Variants in ASAP3 observed in about 807,000 individuals in gnomAD.
The protein encoded by ASAP3 is ArfGAP with SH3 domain, ankyrin repeat and PH domain 3, also known as arf-GAP with SH3 domain, ANK repeat and PH domain-containing protein 3.
ASAP3 carries 85 observed loss-of-function variants against 118.2 expected under a neutral mutation model. That is an observed-to-expected ratio of 0.72 (90% CI 0.60 to 0.86). The LOEUF (loss-of-function observed/expected upper bound fraction) is 0.86, where lower values mean the gene tolerates loss of function less well. Among genes scored for constraint, ASAP3 ranks in the 40% least tolerant of loss-of-function variants. The pLI, the probability that ASAP3 is intolerant of heterozygous loss-of-function variation, is 0.00. For missense variants in ASAP3, 1,026 were observed against 1,175.0 expected (o/e 0.87, Z 1.85); for synonymous variants, 432 against 477.4 (o/e 0.90, Z 1.24).
intron 1 of ASAP3, chr1:23,479,840 G>T (rs1312754763): frequency 1.3e-5 from 2 of 152,152 alleles, no homozygotes; most frequent in East Asian, 3.9e-4. Flanking sequence ...TGAGATAGTT[G>T]TTCATAGGCC....
At chr1:23,478,855 A>G (rs1206611360) in intron 1 of ASAP3, among the ~76,000 whole-genome samples, 3 of 152,172 alleles carry the variant, frequency 2.0e-5, no homozygotes, top group Non-Finnish European at 4.4e-5. Flanking sequence ...AATGATCTAA[A>G]CCAGGGAGGT....
chr1:23,431,761 G>A lies in ASAP3; in HGVS notation c.2481C>T (p.Gly827=). The A allele has an allele frequency of 6.5e-7, 1 of 1,527,972 alleles. No homozygotes were observed. The highest frequency in any genetic ancestry group is 8.7e-7 in the Non-Finnish European group (1 of 1,144,248). 94.7% of individuals were successfully genotyped at this position (1,527,972 alleles called of 1,614,324 possible). A position where few individuals can be genotyped will look rare whatever the true frequency, so the allele number is the denominator to read the frequency against. Residue 827 remains glycine (G), a synonymous_variant, in exon 23 of 25, where the codon GGC becomes GGT. Transcript: ENST00000336689. ...NSEEGLREPP[G]TSRPSLTSGT... The stretch of plus-strand genomic sequence containing the variant: ...CGGATGTCAGGCTGGGTCTGGAGGT[G>A]CCTGGGGGCTCTCGGAGGCCCTCTT...
chr1:23,440,158 G>T (rs1209641534), intron 10 of ASAP3, among the ~76,000 whole-genome samples: 2 of 149,198 alleles, frequency 1.3e-5, no homozygotes, highest in Non-Finnish European at 3.0e-5. Context: ...AGGAAGCAAG[G>T]CACAGCCAAT....
chr1:23,435,810 T>C (rs776709823), intron 17 of ASAP3, 41 bp downstream of exon 17: 4 of 1,612,366 alleles, frequency 2.5e-6, no homozygotes, highest in Non-Finnish European at 3.4e-6. Flanking sequence ...GGGAATATGT[T>C]AGACAGGTGG....
In ASAP3 at chr1:23,456,282, C is replaced by G. The variant is rs12567669; in HGVS notation, c.130-88G>C. ...AACGCTGTATCTATGATTTCCACCCCCCAACCGCCCTCCAAACAAATACAT... is the reference window on the plus strand; with the variant it reads ...AACGCTGTATCTATGATTTCCACCCGCCAACCGCCCTCCAAACAAATACAT... On this transcript the variant is annotated intron_variant, in intron 1 of 24. Coordinates refer to ENST00000336689, the MANE Select transcript of ASAP3 (RefSeq NM_017707.4). 9.6e-3 allele frequency: 11,801 copies of G among 1,232,994 alleles called. 562 individuals carry two copies. In the East Asian group the frequency reaches 0.14, roughly 15 times the overall value. The allele number at this position is 1,232,994 out of a possible 1,614,324, so 76.4% of individuals were successfully genotyped here.
At chr1:23,480,708 CCAGG>C (rs1182523697) in intron 1 of ASAP3, among the ~76,000 whole-genome samples, 1 of 152,126 alleles carries the variant, frequency 6.6e-6, no homozygotes, top group African/African-American at 2.4e-5. Context: ...TGGACAGAGC[CCAGG>C]CAGAGCACAG....
At position 23,429,707 on chromosome 1, in the gene ASAP3, TG is replaced by T; in HGVS notation, c.*148del. ...GTGTCCTTGGTAGAGGCATGGCCTGTGGCAGGAAGAAGGCCAGCTACAGAGG... is the reference window on the plus strand; with the variant it reads ...GTGTCCTTGGTAGAGGCATGGCCTGTGCAGGAAGAAGGCCAGCTACAGAGG... On this transcript the variant is annotated 3_prime_UTR_variant, in exon 25 of 25. Coordinates refer to ENST00000336689, the MANE Select transcript of ASAP3 (RefSeq NM_017707.4). 1 of 727,304 alleles carries T rather than the reference TG, an allele frequency of 1.4e-6. No homozygotes were observed. Among genetic ancestry groups the T allele is most frequent in the Non-Finnish European group, 2.2e-6 (1 of 450,788 alleles). 45.1% of individuals were successfully genotyped at this position (727,304 alleles called of 1,614,324 possible).
At chr1:23,463,834 G>A (rs1041260257) in intron 1 of ASAP3, among the ~76,000 whole-genome samples, 9 of 151,992 alleles carry the variant, frequency 5.9e-5, no homozygotes, top group Admixed American at 4.6e-4. Context: ...TCCTGACCTC[G>A]TGATCCGCCT....
At chr1:23,433,005 G>A (rs1051942730) in intron 22 of ASAP3, 72 bp downstream of exon 22, 100 of 1,569,006 alleles carry the variant, frequency 6.4e-5, no homozygotes, top group Admixed American at 3.6e-4. Context: ...TATGCACTCA[G>A]CTCAGTGCCC....
intron 1 of ASAP3, among the ~76,000 whole-genome samples, chr1:23,481,085 C>A (rs10799796): frequency 6.6e-6 from 1 of 152,164 alleles, no homozygotes; most frequent in South Asian, 2.1e-4. Flanking sequence ...AACTTTCCCA[C>A]TATCCAGCCG....
intron 1 of ASAP3, among the ~76,000 whole-genome samples, chr1:23,475,435 C>T (rs946599130): frequency 2.0e-5 from 3 of 152,222 alleles, no homozygotes; most frequent in African/African-American, 7.2e-5. Flanking sequence ...CCCTTTTCTG[C>T]TTAAATCAGC....
intron 1 of ASAP3, among the ~76,000 whole-genome samples, chr1:23,460,991 C>T (rs532739269): frequency 1.3e-5 from 2 of 152,204 alleles, no homozygotes; most frequent in South Asian, 2.1e-4. Flanking sequence ...TTCAACTATA[C>T]GATATTCTGG....
rs751554313 is a variant in ASAP3, at chr1:23,437,765, C to G, written c.1103-293G>C. Reference sequence around the variant, plus strand: ...AACCCCAGAGAACCCAGCTCTGAGGCAGGGCATCCTCTGAACCAACTGTCA... The same window carrying G: ...AACCCCAGAGAACCCAGCTCTGAGGGAGGGCATCCTCTGAACCAACTGTCA... On this transcript the variant is annotated intron_variant, in intron 12 of 24. Transcript: ENST00000336689. The surrounding 1 kb of genome is among the most constrained non-coding windows in gnomAD (Gnocchi z 6.1). Among the ~76,000 whole-genome samples, 3 of 152,142 alleles carry G rather than the reference C, an allele frequency of 2.0e-5. No individual in the cohort carries two copies. The highest frequency in any genetic ancestry group is 4.4e-5 in the Non-Finnish European group (3 of 68,024).
In ASAP3 at chr1:23,443,719, C is replaced by T. The variant is rs571425123; in HGVS notation, c.474-1107G>A. ...CTAATCTTTTTTTTTTTTTTTCAGA[C>T]GGAGTCTCGCTCTGTTGCCCAGGCT... On this transcript the variant is annotated intron_variant, in intron 5 of 24. Coordinates refer to ENST00000336689, the MANE Select transcript of ASAP3 (RefSeq NM_017707.4). Among the ~76,000 whole-genome samples, 8 of 143,292 alleles carry T rather than the reference C, an allele frequency of 5.6e-5. No homozygotes were observed. In the East Asian group the frequency reaches 1.0e-3, roughly 18 times the overall value. 94.0% of individuals were successfully genotyped at this position (143,292 alleles called of 152,430 possible).
At chr1:23,455,264 G>A (rs1289162150) in intron 3 of ASAP3, among the ~76,000 whole-genome samples, 1 of 152,230 alleles carries the variant, frequency 6.6e-6, no homozygotes, top group Non-Finnish European at 1.5e-5. Context: ...ACATGAACTA[G>A]TGAGAACTGT....
At position 23,438,302 on chromosome 1, in the gene ASAP3, C is replaced by G. The variant is rs750971417; in HGVS notation, c.1102+445G>C. Among the ~76,000 whole-genome samples, 1 of 152,172 alleles carries G rather than the reference C, an allele frequency of 6.6e-6. No homozygotes were observed. The highest frequency in any genetic ancestry group is 2.4e-5 in the African/African-American group (1 of 41,426). On this transcript the variant is annotated intron_variant, in intron 12 of 24. Coordinates refer to ENST00000336689, the MANE Select transcript of ASAP3 (RefSeq NM_017707.4). This position sits in a 1 kb window ranked among gnomAD's most constrained non-coding sequence, Gnocchi z 4.9. ...ACAGTCCTGGGTACCCACCCCACACCCCTGCCAGAGAGTTTCCTGAGGACA... is the reference window on the plus strand; with the variant it reads ...ACAGTCCTGGGTACCCACCCCACACGCCTGCCAGAGAGTTTCCTGAGGACA...
intron 3 of ASAP3, among the ~76,000 whole-genome samples, chr1:23,455,364 C>T (rs1045894186): frequency 1.4e-4 from 22 of 152,158 alleles, no homozygotes; most frequent in Admixed American, 3.3e-4. Context: ...AGGAGGCCAT[C>T]GGGAAGCAAC....
At chr1:23,430,904 CT>C in intron 24 of ASAP3, 130 bp downstream of exon 24, 1 of 881,250 alleles carries the variant, frequency 1.1e-6, no homozygotes. Flanking sequence ...ACTGTCCAAA[CT>C]GTGGCTGCCT....
chr1:23,459,170 CA>C (rs59149141), intron 1 of ASAP3, among the ~76,000 whole-genome samples: 164 of 68,286 alleles, frequency 2.4e-3, no homozygotes, highest in East Asian at 9.9e-3. Flanking sequence ...GACTCCATCT[CA>C]AAAAAAAAAA....
Sources: allele counts gnomAD v4.1 joint callset (sites outside exome capture counted in the v4.1 genomes callset), GRCh38; gene constraint gnomAD v4.1.1; non-coding constraint Gnocchi (gnomAD v3.1); transcripts MANE v1.5; gene names NCBI Gene and HGNC (gene_info 2026-07-23, HGNC 2026-07-21).